The following RGS6 variants were observed in gnomAD, a reference collection of about 807,000 sequenced individuals.
The protein encoded by RGS6 is regulator of G-protein signaling 6.
Under a neutral mutation model 78.5 loss-of-function variants are expected in RGS6, and 30 were observed. That is an observed-to-expected ratio of 0.38 (90% confidence interval 0.29 to 0.52). The LOEUF (loss-of-function observed/expected upper bound fraction) is 0.52, where lower values mean the gene tolerates loss of function less well. Ranked by LOEUF, RGS6 falls within the 20% of genes least tolerant of loss-of-function variation. The pLI, the probability that RGS6 is intolerant of heterozygous loss-of-function variation, is 0.85. For missense variants in RGS6, 495 were observed against 609.7 expected (o/e 0.81, Z 1.98); for synonymous variants, 206 against 206.0 (o/e 1.00, Z 0.00).
At chr14:72,126,279 C>G (rs1474998145) in intron 2 of RGS6, among the ~76,000 whole-genome samples, 1 of 152,218 alleles carries the variant, frequency 6.6e-6, no homozygotes, top group Non-Finnish European at 1.5e-5. Flanking sequence ...GGGGATTGGC[C>G]AACCAGCTAG....
At chr14:72,476,169 CAT>C (rs2096240816) in intron 10 of RGS6, among the ~76,000 whole-genome samples, 2 of 152,150 alleles carry the variant, frequency 1.3e-5, no homozygotes, top group South Asian at 4.1e-4. Flanking sequence ...TAGCTACGGA[CAT>C]GTGGAAAAAC....
chr14:71,952,506 A>G (rs2092418557), intron 1 of RGS6, among the ~76,000 whole-genome samples: 1 of 151,946 alleles, frequency 6.6e-6, no homozygotes. Context: ...GACTGTTACA[A>G]GTTAGATCAT....
the RGS6 span, among the ~76,000 whole-genome samples, chr14:71,871,184 A>G: frequency 3.9e-5 from 6 of 152,088 alleles, no homozygotes; most frequent in African/African-American, 1.4e-4. Flanking sequence ...GGTGAGGACT[A>G]TTTGGTGAGT....
intron 3 of RGS6, among the ~76,000 whole-genome samples, chr14:72,424,092 G>T (rs935644861): frequency 2.6e-5 from 4 of 152,158 alleles, no homozygotes; most frequent in African/African-American, 4.8e-5. Flanking sequence ...AAATGGAGGT[G>T]GGACAGTCTC....
At chr14:72,335,232 C>T (rs1193057700) in intron 2 of RGS6, among the ~76,000 whole-genome samples, 3 of 152,112 alleles carry the variant, frequency 2.0e-5, no homozygotes, top group East Asian at 1.9e-4. Flanking sequence ...TTCTTAGCAG[C>T]GTGAGAACAG....
chr14:72,319,528 A>AT (rs1235108600), intron 2 of RGS6, among the ~76,000 whole-genome samples: 1 of 151,648 alleles, frequency 6.6e-6, no homozygotes, highest in Non-Finnish European at 1.5e-5. Flanking sequence ...ATTTTTTTGT[A>AT]TTTTTTAGTA....
intron 2 of RGS6, among the ~76,000 whole-genome samples, chr14:72,311,682 C>T (rs1269903937): frequency 6.6e-6 from 1 of 152,202 alleles, no homozygotes; most frequent in Non-Finnish European, 1.5e-5. Context: ...TGATGAACAG[C>T]ATCTCTGCAA....
chr14:72,265,944 GGGGGGCGGGAGGCA>G (rs2058990872), intron 2 of RGS6, among the ~76,000 whole-genome samples: 2 of 146,284 alleles, frequency 1.4e-5, no homozygotes, highest in African/African-American at 4.9e-5. Flanking sequence ...TTTTTGGGGG[GGGGGGCGGGAGGCA>G]GGTGGGAGGT....
chr14:72,280,992 T>A (rs1015881902), intron 2 of RGS6, among the ~76,000 whole-genome samples: 1 of 152,194 alleles, frequency 6.6e-6, no homozygotes, highest in Non-Finnish European at 1.5e-5. Context: ...TGTAGGCAGA[T>A]GTTTAGTTGA....
At chr14:72,079,065 A>G (rs2094707210) in intron 2 of RGS6, among the ~76,000 whole-genome samples, 2 of 152,148 alleles carry the variant, frequency 1.3e-5, no homozygotes, top group Non-Finnish European at 2.9e-5. Context: ...ATGTACCAAA[A>G]TTAAAGGACA....
At position 72,391,940 on chromosome 14, in the gene RGS6, A is replaced by G. The variant is rs1023100397; in HGVS notation, c.184+39746A>G. 3.3e-5 allele frequency among the ~76,000 whole-genome samples: 5 copies of G among 152,206 alleles called. No individual in the cohort carries two copies. In the East Asian group the frequency reaches 9.7e-4, roughly 29 times the overall value. Reference sequence around the variant, plus strand: ...AAAGGGAATGAACTCATCCTTTTTTATGGCTGCATAGTATTCCATGGTGTA... The same window carrying G: ...AAAGGGAATGAACTCATCCTTTTTTGTGGCTGCATAGTATTCCATGGTGTA... On this transcript the variant is annotated intron_variant, in intron 3 of 17. Coordinates refer to ENST00000553525, the MANE Select transcript of RGS6 (RefSeq NM_001204424.2).
intron 1 of RGS6, among the ~76,000 whole-genome samples, chr14:71,940,167 T>C (rs1427198380): frequency 6.6e-6 from 1 of 152,200 alleles, no homozygotes; most frequent in Non-Finnish European, 1.5e-5. Context: ...CTGGAATCAA[T>C]GTCAGCTCAG....
At chr14:71,902,975 A>T in the RGS6 span, among the ~76,000 whole-genome samples, 4 of 152,170 alleles carry the variant, frequency 2.6e-5, no homozygotes, top group Non-Finnish European at 5.9e-5. Context: ...TTTTTGTTGG[A>T]TGGTTTCCTG....
intron 2 of RGS6, among the ~76,000 whole-genome samples, chr14:72,221,220 C>G (rs2046792804): frequency 6.6e-6 from 1 of 152,148 alleles, no homozygotes; most frequent in Admixed American, 6.6e-5. Flanking sequence ...CAAAAAATCA[C>G]AAGATTTTGC....
chr14:72,504,577 C>T (rs76523931), intron 13 of RGS6, among the ~76,000 whole-genome samples: 2,007 of 152,222 alleles, frequency 0.013, 39 homozygotes, highest in African/African-American at 0.046. Flanking sequence ...ATATTTCTAC[C>T]AGTATTCTGT....
intron 2 of RGS6, among the ~76,000 whole-genome samples, chr14:71,988,104 G>A (rs1482140554): frequency 6.6e-6 from 1 of 152,134 alleles, no homozygotes; most frequent in Non-Finnish European, 1.5e-5. Context: ...TGGCCAATCT[G>A]CCAGGGAAGA....
At chr14:72,105,211 C>T (rs1413257479) in intron 2 of RGS6, among the ~76,000 whole-genome samples, 1 of 152,196 alleles carries the variant, frequency 6.6e-6, no homozygotes, top group African/African-American at 2.4e-5. Context: ...GATGATGACT[C>T]CTTGACCAGT....
intron 3 of RGS6, among the ~76,000 whole-genome samples, chr14:72,402,321 G>C (rs745952753): frequency 2.6e-5 from 4 of 152,174 alleles, no homozygotes; most frequent in African/African-American, 4.8e-5. Context: ...GAGTGGCTAT[G>C]GTAGTTGATG....
intron 2 of RGS6, among the ~76,000 whole-genome samples, chr14:72,288,891 T>G (rs1469329845): frequency 6.6e-6 from 1 of 152,210 alleles, no homozygotes; most frequent in East Asian, 1.9e-4. Flanking sequence ...TCTGAGTACC[T>G]GAACCTTGAT....
Sources: allele counts gnomAD v4.1 joint callset (sites outside exome capture counted in the v4.1 genomes callset), GRCh38; gene constraint gnomAD v4.1.1; transcripts MANE v1.5; gene names NCBI Gene and HGNC (gene_info 2026-07-23, HGNC 2026-07-21).